The following KCNN2 variants were observed in gnomAD, a reference collection of about 807,000 sequenced individuals.
The protein encoded by KCNN2 is potassium calcium-activated channel subfamily N member 2.
A neutral mutation model predicts 55.5 loss-of-function variants in KCNN2; 24 were observed. The ratio of observed to expected loss-of-function variants is 0.43; its 90% CI spans 0.31 to 0.61. KCNN2 has a LOEUF of 0.61. Ranked by LOEUF, KCNN2 falls within the 20% of genes least tolerant of loss-of-function variation. The probability of loss-of-function intolerance (pLI) is 0.08; values close to 1 mark genes in which losing one functional copy is unlikely to be tolerated. For missense variants in KCNN2, 754 were observed against 853.6 expected (o/e 0.88, Z 1.45); for synonymous variants, 431 against 336.1 (o/e 1.28, Z -3.09).
intron 2 of KCNN2, among the ~76,000 whole-genome samples, chr5:114,275,807 G>T (rs1227053416): frequency 6.6e-6 from 1 of 151,906 alleles, no homozygotes; most frequent in Non-Finnish European, 1.5e-5. Flanking sequence ...TTTTTGAAGG[G>T]TTTTTTGTGT....
In KCNN2 at chr5:114,341,431, A is replaced by G. The variant is rs141400878; in HGVS notation, c.-184-19514A>G. 3.3e-5 allele frequency among the ~76,000 whole-genome samples: 5 copies of G among 152,332 alleles called. 1 individual carries two copies. The East Asian group carries it at 9.7e-4, about 29-fold the overall frequency. The stretch of plus-strand genomic sequence containing the variant: ...AGATAAAAGGAGATGAATGCTAGAA[A>G]TGAAATTATAAATTCATTTAGGAGA... On this transcript the variant is annotated intron_variant, in intron 2 of 10. Coordinates refer to the KCNN2 transcript ENST00000512097.
chr5:114,125,019 G>A (rs985412182), intron 1 of KCNN2, among the ~76,000 whole-genome samples: 3 of 149,848 alleles, frequency 2.0e-5, no homozygotes, highest in Non-Finnish European at 4.4e-5. Flanking sequence ...CAATACAGTA[G>A]TACCTGAGAC....
chr5:114,260,532 G>C (rs1172666767), intron 2 of KCNN2, among the ~76,000 whole-genome samples: 1 of 152,142 alleles, frequency 6.6e-6, no homozygotes, highest in Non-Finnish European at 1.5e-5. Context: ...CCTCACTGTT[G>C]TGTAAAATCT....
intron 4 of KCNN2, among the ~76,000 whole-genome samples, chr5:114,468,285 T>G (rs1314427384): frequency 1.3e-5 from 2 of 152,090 alleles, no homozygotes; most frequent in African/African-American, 2.4e-5. Flanking sequence ...TTGCCAGAAT[T>G]GATTGTTTCA....
intron 2 of KCNN2, among the ~76,000 whole-genome samples, chr5:114,322,576 T>TACACACAC (rs113249707): frequency 0.16 from 24,203 of 148,576 alleles, 2,306 homozygotes; most frequent in Middle Eastern, 0.25. Context: ...CACTCCCCCA[T>TACACACAC]ACACACACAC....
intron 2 of KCNN2, among the ~76,000 whole-genome samples, chr5:114,278,757 C>T: frequency 6.6e-6 from 1 of 152,202 alleles, no homozygotes; most frequent in East Asian, 1.9e-4. Flanking sequence ...TGTACCGCTC[C>T]TCCAGGTACA....
intron 3 of KCNN2, among the ~76,000 whole-genome samples, chr5:114,427,697 C>G (rs372620568): frequency 6.6e-6 from 1 of 152,300 alleles, no homozygotes. Flanking sequence ...AAGGAAATCT[C>G]TTTCTTGGAA....
intron 1 of KCNN2, among the ~76,000 whole-genome samples, chr5:114,149,873 A>G (rs141861027): frequency 0.018 from 2,727 of 152,276 alleles, 76 homozygotes; most frequent in African/African-American, 0.061. Context: ...CTTAACCCTA[A>G]AGAGGCCAAG....
intron 2 of KCNN2, among the ~76,000 whole-genome samples, chr5:114,342,808 G>A (rs888034830): frequency 2.4e-4 from 36 of 152,038 alleles, no homozygotes; most frequent in African/African-American, 8.7e-4. Context: ...ATGGCACTGG[G>A]GCTTCTTCAA....
At chr5:114,124,748 A>G (rs894458343) in intron 1 of KCNN2, among the ~76,000 whole-genome samples, 9 of 151,950 alleles carry the variant, frequency 5.9e-5, no homozygotes, top group African/African-American at 1.9e-4. Flanking sequence ...TTGCCTTCTC[A>G]TTTCTTTCTG....
At chr5:114,145,802 G>C (rs1328903015) in intron 1 of KCNN2, among the ~76,000 whole-genome samples, 1 of 152,146 alleles carries the variant, frequency 6.6e-6, no homozygotes, top group African/African-American at 2.4e-5. Flanking sequence ...AGGGTAGAAG[G>C]ATCAGTGTCA....
At chr5:114,074,327 T>TGC (rs1265315282) in intron 1 of KCNN2, among the ~76,000 whole-genome samples, 354 of 133,380 alleles carry the variant, frequency 2.7e-3, no homozygotes, top group Non-Finnish European at 3.3e-3. Flanking sequence ...TGTGTGTGTG[T>TGC]GTGCGCGCGC....
chr5:114,491,474 C>A (rs1747849947), intron 6 of KCNN2, among the ~76,000 whole-genome samples: 1 of 146,128 alleles, frequency 6.8e-6, no homozygotes, highest in South Asian at 2.2e-4. Context: ...TAGGCTGTTG[C>A]CTGCAGAAAG....
intron 2 of KCNN2, among the ~76,000 whole-genome samples, chr5:114,370,438 A>G (rs1480581628): frequency 1.3e-5 from 2 of 152,138 alleles, no homozygotes; most frequent in African/African-American, 4.8e-5. Flanking sequence ...GGAGGGGTTA[A>G]AGAGAGACAA....
At chr5:114,205,672 C>T (rs1301847339) in intron 1 of KCNN2, among the ~76,000 whole-genome samples, 1 of 152,122 alleles carries the variant, frequency 6.6e-6, no homozygotes, top group African/African-American at 2.4e-5. Flanking sequence ...AAAAATGGGC[C>T]TTCGGGAGCT....
At chr5:114,090,604 ATATATGTG>A (rs1390959598) in intron 1 of KCNN2, among the ~76,000 whole-genome samples, 1 of 151,372 alleles carries the variant, frequency 6.6e-6, no homozygotes, top group Non-Finnish European at 1.5e-5. Context: ...TATACCACAT[ATATATGTG>A]TATATGTGTA....
At chr5:114,415,708 C>G (rs1361861914) in intron 3 of KCNN2, among the ~76,000 whole-genome samples, 1 of 152,118 alleles carries the variant, frequency 6.6e-6, no homozygotes, top group African/African-American at 2.4e-5. Flanking sequence ...AATGGCAATT[C>G]AAATTGCCCA....
chr5:114,116,360 C>T (rs945577606), intron 1 of KCNN2, among the ~76,000 whole-genome samples: 1 of 152,078 alleles, frequency 6.6e-6, no homozygotes, highest in African/African-American at 2.4e-5. Flanking sequence ...AGTTACAAGT[C>T]ATTGTAGAAT....
intron 2 of KCNN2, among the ~76,000 whole-genome samples, chr5:114,346,175 A>C (rs1412854964): frequency 6.6e-6 from 1 of 152,196 alleles, no homozygotes; most frequent in Non-Finnish European, 1.5e-5. Flanking sequence ...CATAAACTTA[A>C]ATAATCACAG....
Sources: allele counts gnomAD v4.1 joint callset (sites outside exome capture counted in the v4.1 genomes callset), GRCh38; gene constraint gnomAD v4.1.1; transcripts MANE v1.5; gene names NCBI Gene and HGNC (gene_info 2026-07-23, HGNC 2026-07-21).